UBN2: variants seen among roughly 807,000 people sequenced by gnomAD.
UBN2 encodes the protein ubinuclein-2.
UBN2 carries 35 observed loss-of-function variants against 120.2 expected under a neutral mutation model. That is an observed-to-expected ratio of 0.29 (90% CI 0.22 to 0.39). The LOEUF (loss-of-function observed/expected upper bound fraction) is 0.39. Among genes scored for constraint, UBN2 ranks in the 10% least tolerant of loss-of-function variants. UBN2 has a pLI of 1.00. For synonymous variants in UBN2, 661 were observed against 648.7 expected, an observed-to-expected ratio of 1.02 and a Z score of -0.29; for missense variants, 1,693 against 1,663.2, an observed-to-expected ratio of 1.02 and a Z score of -0.31.
chr7:139,326,858 A>G, the UBN2 span, among the ~76,000 whole-genome samples: 3 of 152,220 alleles, frequency 2.0e-5, no homozygotes, highest in African/African-American at 4.8e-5. Context: ...TCACCACTGC[A>G]AACTGTGGTG....
chr7:139,239,502 A>T (rs1413363563), intron 2 of UBN2, among the ~76,000 whole-genome samples: 2 of 149,384 alleles, frequency 1.3e-5, no homozygotes, highest in Non-Finnish European at 3.0e-5. Flanking sequence ...ATTTTAGTAT[A>T]TATTACTAAA....
intron 2 of UBN2, among the ~76,000 whole-genome samples, chr7:139,240,454 A>ATAT (rs371717591): frequency 0.029 from 3,575 of 122,976 alleles, 66 homozygotes; most frequent in Non-Finnish European, 0.036. Flanking sequence ...ATATATATAT[A>ATAT]TTTTTTTTTT....
downstream of UBN2, among the ~76,000 whole-genome samples, chr7:139,311,358 C>T (rs563287186): frequency 1.3e-5 from 2 of 152,208 alleles, no homozygotes; most frequent in Non-Finnish European, 2.9e-5. Context: ...TCTCTGTTGT[C>T]TCTGTGTTTG....
At chr7:139,314,565 A>G in the UBN2 span, among the ~76,000 whole-genome samples, 9 of 152,026 alleles carry the variant, frequency 5.9e-5, no homozygotes, top group South Asian at 1.0e-3. Flanking sequence ...GGCTCACTGC[A>G]ACCTCTGTCT....
chr7:139,270,825 A>G (rs1797251449), intron 8 of UBN2, among the ~76,000 whole-genome samples: 1 of 151,698 alleles, frequency 6.6e-6, no homozygotes. Flanking sequence ...GCTCACCACA[A>G]CCTCCACCTC....
At chr7:139,266,834 A>G (rs1797112931) in intron 7 of UBN2, among the ~76,000 whole-genome samples, 1 of 152,204 alleles carries the variant, frequency 6.6e-6, no homozygotes, top group Non-Finnish European at 1.5e-5. Context: ...ACAAACTTTT[A>G]TAGTCAAATG....
intron 2 of UBN2, among the ~76,000 whole-genome samples, chr7:139,241,909 A>G (rs1368027380): frequency 6.6e-6 from 1 of 152,130 alleles, no homozygotes; most frequent in Non-Finnish European, 1.5e-5. Context: ...GAGGCAGGAG[A>G]ATCCCTTGAA....
chr7:139,280,787 AG>A (rs1797585816), intron 13 of UBN2, among the ~76,000 whole-genome samples: 1 of 152,164 alleles, frequency 6.6e-6, no homozygotes, highest in Admixed American at 6.5e-5. Flanking sequence ...CTGGGACTAC[AG>A]GCGCACACCA....
chr7:139,236,920 T>G, intron 1 of UBN2, 85 bp from the exon 2 acceptor site: 2 of 770,702 alleles, frequency 2.6e-6, no homozygotes, highest in Non-Finnish European at 4.1e-6. Flanking sequence ...AAGTGGTTGT[T>G]ACATAATGAT....
chr7:139,285,276 G>A (rs982167155), intron 15 of UBN2, among the ~76,000 whole-genome samples: 1 of 152,180 alleles, frequency 6.6e-6, no homozygotes, highest in South Asian at 2.1e-4. Flanking sequence ...GGAGGCCAAG[G>A]CAGGAGGATC....
chr7:139,252,203 C>CT (rs35028623), intron 3 of UBN2, 146 bp downstream of exon 3: 34,264 of 440,214 alleles, frequency 0.078, 141 homozygotes, highest in Middle Eastern at 0.091. Context: ...TTTCTTTACC[C>CT]TTTTTTTTTT....
intron 8 of UBN2, 33 bp downstream of exon 8, chr7:139,269,556 G>C (rs771424331): frequency 6.2e-7 from 1 of 1,608,754 alleles, no homozygotes; most frequent in South Asian, 1.1e-5. Flanking sequence ...CTACATCTTG[G>C]GTTTCATAAC....
At chr7:139,292,113 G>T (rs529474359) in intron 15 of UBN2, among the ~76,000 whole-genome samples, 4 of 152,032 alleles carry the variant, frequency 2.6e-5, no homozygotes, top group Admixed American at 6.6e-5. Flanking sequence ...TGTTAGCCGG[G>T]TATAGTGGCA....
chr7:139,235,181 A>G (rs1387257679), intron 1 of UBN2, among the ~76,000 whole-genome samples: 5 of 152,192 alleles, frequency 3.3e-5, no homozygotes, highest in Non-Finnish European at 7.3e-5. Flanking sequence ...ATTTATACAT[A>G]TAAAATGAGT....
In UBN2 at chr7:139,308,210, A is replaced by G. The variant is rs1472986234; in HGVS notation, c.*10374A>G. On this transcript the variant is annotated 3_prime_UTR_variant, in exon 18 of 18. Transcript: ENST00000473989. Reference sequence around the variant, plus strand: ...GTATATGTTACGTGTTTGTTGTTGTATTAAATAAAGAGGAATGTACATACT... The same window carrying G: ...GTATATGTTACGTGTTTGTTGTTGTGTTAAATAAAGAGGAATGTACATACT... The G allele has an allele frequency of 6.6e-6, 1 of 151,890 alleles. No individual in the cohort carries two copies. Among genetic ancestry groups the G allele is most frequent in the Non-Finnish European group, 1.5e-5 (1 of 67,986 alleles). The allele number at this position is 151,890 out of a possible 1,614,324, so 9.4% of individuals were successfully genotyped here.
intron 9 of UBN2, 67 bp downstream of exon 9, chr7:139,272,507 TATG>T: frequency 2.5e-5 from 18 of 733,582 alleles, no homozygotes; most frequent in Non-Finnish European, 3.9e-5. Context: ...TGTATGTATG[TATG>T]TATGTATGTA....
chr7:139,293,727 CACAT>C (rs1156268639), intron 16 of UBN2, 158 bp from the exon 17 acceptor site: 1 of 677,936 alleles, frequency 1.5e-6, no homozygotes, highest in African/African-American at 1.8e-5. Context: ...TATGTGCATA[CACAT>C]ACATTAACAT....
chr7:139,231,572 G>A lies in UBN2; in HGVS notation c.88G>A (p.Glu30Lys), dbSNP rs1031753374. 1.4e-6 allele frequency: 2 copies of A among 1,405,242 alleles called. No homozygotes were observed. Among genetic ancestry groups the A allele is most frequent in the African/African-American group, 1.5e-5 (1 of 67,752 alleles). The allele number at this position is 1,405,242 out of a possible 1,614,324, so 87.0% of individuals were successfully genotyped here. A position where few individuals can be genotyped will look rare whatever the true frequency, so the allele number is the denominator to read the frequency against. The change falls in exon 1 of 18, where the codon GAG (glutamate) becomes AAG (lysine). Residue 30 changes from glutamate to lysine, a missense_variant. By Grantham distance (56) the Glu-to-Lys change is moderately conservative. Around this residue, in one of 5 missense-constraint regions of UBN2, gnomAD observed 663 missense variants for 591.2 expected, o/e 1.12. Transcript: ENST00000473989. ...GTACCCGGGGCCCGAGCGTGAGCCCGAGTACCCCCGCGAGCCCCCCCGGCT... is the reference window on the plus strand; with the variant it reads ...GTACCCGGGGCCCGAGCGTGAGCCCAAGTACCCCCGCGAGCCCCCCCGGCT... ...AEYPGPEREP[E>K]YPREPPRLEP...
intron 15 of UBN2, among the ~76,000 whole-genome samples, chr7:139,291,645 G>T (rs1057035994): frequency 6.6e-6 from 1 of 152,156 alleles, no homozygotes; most frequent in Admixed American, 6.5e-5. Flanking sequence ...GAGCCCAGAA[G>T]TTGGAGGCTA....
Sources: gnomAD v4.1 joint callset for allele counts (sites outside exome capture counted in the v4.1 genomes callset) on GRCh38, gnomAD v4.1.1 for gene constraint, gnomAD v4.1.1 regional missense constraint, MANE v1.5 for transcripts, NCBI Gene and HGNC (gene_info 2026-07-23, HGNC 2026-07-21) for gene names.